The following PES1 variants were observed in gnomAD, a reference collection of about 807,000 sequenced individuals.
PES1 encodes pescadillo homolog.
PES1 carries 31 observed loss-of-function variants against 77.1 expected under a neutral mutation model. The observed-to-expected ratio is 0.40, with a 90% confidence interval of 0.30 to 0.54. The LOEUF (loss-of-function observed/expected upper bound fraction) is 0.54, where lower values mean the gene tolerates loss of function less well. PES1 is among the 20% of genes least tolerant of loss of function. The probability of loss-of-function intolerance (pLI) is 0.45; values close to 1 mark genes in which losing one functional copy is unlikely to be tolerated. For missense variants in PES1, 658 were observed against 771.7 expected (o/e 0.85, Z 1.75); for synonymous variants, 282 against 303.0 (o/e 0.93, Z 0.72).
intron 2 of PES1, among the ~76,000 whole-genome samples, chr22:30,600,485 C>T (rs2087338333): frequency 6.6e-6 from 1 of 151,866 alleles, no homozygotes; most frequent in African/African-American, 2.4e-5. Context: ...GAGTTCGAGA[C>T]CAGCCTGGGC....
In PES1 at chr22:30,581,009, C is replaced by T; in HGVS notation, c.912+3G>A. On this transcript the variant is annotated splice_donor_region_variant and intron_variant, in intron 9 of 14. Coordinates refer to ENST00000354694, the MANE Select transcript of PES1 (RefSeq NM_014303.4). ...TCCTGCCAGAAGGCAGTGCAGTGCT[C>T]ACCCCATCGGTGGGAAACTCATCCA... 2 of 1,611,428 alleles carry T rather than the reference C, an allele frequency of 1.2e-6. No homozygotes were observed. Among genetic ancestry groups the T allele is most frequent in the Non-Finnish European group, 1.7e-6 (2 of 1,178,540 alleles).
intron 4 of PES1, among the ~76,000 whole-genome samples, chr22:30,586,810 C>T (rs986562123): frequency 1.1e-4 from 17 of 152,110 alleles, no homozygotes; most frequent in Non-Finnish European, 4.4e-5. Flanking sequence ...ATTAGCCAGG[C>T]GTGGTGGTGG....
Position 30,576,926 on chromosome 22 carries a change from C to G in PES1, c.*120G>C. 1 of 853,640 alleles carries G rather than the reference C, an allele frequency of 1.2e-6. No homozygotes were observed. The highest frequency in any genetic ancestry group is 2.0e-6 in the Non-Finnish European group (1 of 508,194). 52.9% of individuals were successfully genotyped at this position (853,640 alleles called of 1,614,324 possible). On this transcript the variant is annotated 3_prime_UTR_variant, in exon 15 of 15. Transcript: ENST00000354694. Reference sequence around the variant, plus strand: ...AGCCAGAGAGCATGAGGGGTCAGGGCTGGCTGGAGAAAGGAGGAGGAGAAG... The same window carrying G: ...AGCCAGAGAGCATGAGGGGTCAGGGGTGGCTGGAGAAAGGAGGAGGAGAAG...
At chr22:30,601,577 G>C (rs903161597) in intron 2 of PES1, among the ~76,000 whole-genome samples, 3 of 152,018 alleles carry the variant, frequency 2.0e-5, no homozygotes, top group Non-Finnish European at 4.4e-5. Flanking sequence ...GCCTCCCAAA[G>C]TGCTGGGATT....
upstream of PES1, chr22:30,592,427 C>A (rs768997938): frequency 1.1e-4 from 106 of 985,588 alleles, no homozygotes; most frequent in Non-Finnish European, 1.3e-4. Context: ...AGACATTTTT[C>A]CTCGCGGAGG....
chr22:30,579,039 C>A (rs201667459), intron 13 of PES1, 41 bp from the exon 14 acceptor site: 4 of 1,604,194 alleles, frequency 2.5e-6, no homozygotes, highest in Non-Finnish European at 3.4e-6. Context: ...CAGGTTCTCC[C>A]GACCTCCACA....
chr22:30,602,797 T>C (rs1357346116), intron 2 of PES1, among the ~76,000 whole-genome samples: 1 of 152,236 alleles, frequency 6.6e-6, no homozygotes, highest in Non-Finnish European at 1.5e-5. Flanking sequence ...GAAAGGTGTA[T>C]GTTTAGGTTG....
intron 2 of PES1, among the ~76,000 whole-genome samples, chr22:30,603,396 C>G (rs2087388535): frequency 6.6e-6 from 1 of 150,978 alleles, no homozygotes; most frequent in Admixed American, 6.6e-5. Flanking sequence ...TTTTTTGTTT[C>G]TCCGAGATGG....
chr22:30,598,884 A>ATTTTTTTTTTTTTTTTTTTTTTTTTTTT (rs1569031688), intron 2 of PES1, among the ~76,000 whole-genome samples: 1 of 46,260 alleles, frequency 2.2e-5, no homozygotes, highest in African/African-American at 7.5e-5. Flanking sequence ...ACTTAAGTAA[A>ATTTTTTTTTTTTTTTTTTTTTTTTTTTT]ATTTTTTTTT....
upstream of PES1, among the ~76,000 whole-genome samples, chr22:30,594,489 C>T (rs1016373468): frequency 8.6e-5 from 13 of 151,864 alleles, no homozygotes; most frequent in African/African-American, 2.4e-4. Context: ...CATTGCACTG[C>T]AGCCTGTGCA....
rs766193141 is a variant in PES1, at chr22:30,579,255, T to C, written c.1403A>G (p.Glu468Gly). 1 of 1,602,566 alleles carries C rather than the reference T, an allele frequency of 6.2e-7. No individual in the cohort carries two copies. The highest frequency in any genetic ancestry group is 1.1e-5 in the South Asian group (1 of 91,054). ...EEEEEEDDNNEGDGDEEGENE... is the reference protein window; with the variant it reads ...EEEEEEDDNNGGDGDEEGENE... ...TTCTCCCTCTTCATCACCATCACCT[T>C]CGTTGTTGTCGTCCTCTTCCTCCTC... The change falls in exon 13 of 15, where the codon GAA becomes GGA. Residue 468 changes from glutamate to glycine, a missense_variant. Physicochemically the swap from Glu to Gly is moderately conservative, Grantham distance 98. Transcript: ENST00000354694.
At chr22:30,603,870 C>T (rs1401675546) in intron 2 of PES1, 1 of 152,122 alleles carries the variant, frequency 6.6e-6, no homozygotes, top group African/African-American at 2.4e-5. Flanking sequence ...CAGAAACAAA[C>T]CCAGTTGTTG....
rs1238590923 is a variant in PES1 at position 30,577,671 on chromosome 22, T to TGG, written c.1684-544_1684-543dup. ...ATGCGTAGCCCTTTCTTTTTTTTTT[T>TGG]GGGGGGTAGAGACAGGGTCTCAATA... On this transcript the variant is annotated intron_variant, in intron 14 of 14. Coordinates refer to ENST00000354694, the MANE Select transcript of PES1 (RefSeq NM_014303.4). Among the ~76,000 whole-genome samples, 989 of 151,474 alleles carry TGG rather than the reference T, an allele frequency of 6.5e-3. 10 individuals are homozygous for TGG. The highest frequency in any genetic ancestry group is 0.025 in the South Asian group (119 of 4,784).
At chr22:30,577,168 T>C (rs2086913275) in intron 14 of PES1, 39 bp from the exon 15 acceptor site, 2 of 1,549,952 alleles carry the variant, frequency 1.3e-6, no homozygotes, top group Admixed American at 1.7e-5. Context: ...GAGGTATGTG[T>C]AGAAGGGAGG....
At chr22:30,602,528 T>A (rs1602032673) in intron 2 of PES1, among the ~76,000 whole-genome samples, 1 of 151,446 alleles carries the variant, frequency 6.6e-6, no homozygotes, top group Non-Finnish European at 1.5e-5. Context: ...GGCCTCTTTT[T>A]TCTTTTATTT....
chr22:30,595,959 T>C (rs2087246816), upstream of PES1, among the ~76,000 whole-genome samples: 1 of 152,156 alleles, frequency 6.6e-6, no homozygotes, highest in Non-Finnish European at 1.5e-5. Context: ...CCAACCACCT[T>C]CAGGAACCCT....
At chr22:30,605,488 CT>C in exon 2 of PES1, 1 of 985,346 alleles carries the variant, frequency 1.0e-6, no homozygotes, top group East Asian at 1.1e-4. Context: ...GAAGGCTATC[CT>C]CCATGGCCAC....
intron 4 of PES1, among the ~76,000 whole-genome samples, chr22:30,586,526 G>A (rs189540878): frequency 9.9e-4 from 151 of 152,276 alleles, no homozygotes; most frequent in Non-Finnish European, 1.9e-3. Flanking sequence ...ATGTTGTGGG[G>A]GACTACTATA....
chr22:30,598,885 A>AATT (rs1555892987), intron 2 of PES1, among the ~76,000 whole-genome samples: 2 of 51,190 alleles, frequency 3.9e-5, no homozygotes, highest in African/African-American at 1.6e-4. Flanking sequence ...CTTAAGTAAA[A>AATT]TTTTTTTTTT....
Sources: allele counts gnomAD v4.1 joint callset (sites outside exome capture counted in the v4.1 genomes callset), GRCh38; gene constraint gnomAD v4.1.1; transcripts MANE v1.5; gene names NCBI Gene and HGNC (gene_info 2026-07-23, HGNC 2026-07-21).